The following KANTR variants were observed in gnomAD, a reference collection of about 807,000 sequenced individuals.
The protein encoded by KANTR is KDM5C adjacent transcript.
At chrX:53,142,804 C>T, downstream of KANTR, 1 of 474,382 alleles carries the variant, frequency 2.1e-6, no homozygotes, top group East Asian at 3.9e-5. Flanking sequence ...TGATGGCTAA[C>T]CCACATGCTT....
At chrX:53,147,614 T>G (rs1295942851), downstream of KANTR, among the ~76,000 whole-genome samples, 2 of 111,264 alleles carry the variant, frequency 1.8e-5, no homozygotes, top group African/African-American at 3.3e-5. Context: ...GCACCAAGTG[T>G]ACCTAATAGA....
intron 2 of KANTR, among the ~76,000 whole-genome samples, chrX:53,117,509 T>C (rs1556814784): frequency 9.1e-6 from 1 of 110,239 alleles, no homozygotes; most frequent in Non-Finnish European, 1.9e-5. Context: ...ATATGGGATT[T>C]TTTTTCATAT....
At chrX:53,121,817 C>T (rs1556815553) in intron 2 of KANTR, among the ~76,000 whole-genome samples, 1 of 111,340 alleles carries the variant, frequency 9.0e-6, no homozygotes. Context: ...ATCAGAGGTA[C>T]CTGGTATCCA....
chrX:53,110,359 A>G (rs2146728226), intron 2 of KANTR, among the ~76,000 whole-genome samples: 1 of 111,214 alleles, frequency 9.0e-6, no homozygotes, highest in Non-Finnish European at 1.9e-5. Flanking sequence ...TCATGAAGGG[A>G]TGTTGAATTT....
At chrX:53,123,067 CTTATAAA>C (rs1158840921) in intron 2 of KANTR, among the ~76,000 whole-genome samples, 1 of 111,350 alleles carries the variant, frequency 9.0e-6, no homozygotes, top group Non-Finnish European at 1.9e-5. Context: ...TAGTGTTAAA[CTTATAAA>C]TTAAAATATT....
intron 2 of KANTR, among the ~76,000 whole-genome samples, chrX:53,136,732 T>TATATATATATATATATATATATATA (rs1933430807): frequency 4.6e-5 from 1 of 21,515 alleles, no homozygotes; most frequent in African/African-American, 8.8e-5. Context: ...ATATATATAT[T>TATATATATATATATATATATATATA]TTGTTTGTTT....
At chrX:53,120,332 G>A (rs1020849633) in intron 2 of KANTR, among the ~76,000 whole-genome samples, 7 of 111,104 alleles carry the variant, frequency 6.3e-5, no homozygotes, top group Non-Finnish European at 1.1e-4. Context: ...TACCACGCTC[G>A]GCCCCCCTTT....
chrX:53,104,290 A>ATG (rs1932919995), intron 2 of KANTR, among the ~76,000 whole-genome samples: 1 of 110,614 alleles, frequency 9.0e-6, no homozygotes, highest in Non-Finnish European at 1.9e-5. Flanking sequence ...GCAGTGGTAC[A>ATG]ATCTCGGCTC....
intron 2 of KANTR, among the ~76,000 whole-genome samples, chrX:53,102,827 A>G (rs1932905887): frequency 9.1e-6 from 1 of 110,440 alleles, no homozygotes; most frequent in Non-Finnish European, 1.9e-5. Flanking sequence ...TCTCTTTAAC[A>G]CTGGTCCAGT....
chrX:53,131,661 G>A (rs1442429399), downstream of KANTR, among the ~76,000 whole-genome samples: 2 of 111,925 alleles, frequency 1.8e-5, no homozygotes, highest in Non-Finnish European at 3.8e-5. Flanking sequence ...ATAACCCACA[G>A]CTAACATTAT....
At chrX:53,143,144 G>A (rs1933526931), downstream of KANTR, 16 of 1,023,821 alleles carry the variant, frequency 1.6e-5, no homozygotes, top group Middle Eastern at 2.5e-4. Flanking sequence ...AACAGCACCT[G>A]CAGACACCAG....
At chrX:53,096,532 C>G (rs1472389191) in intron 1 of KANTR, among the ~76,000 whole-genome samples, 3 of 112,178 alleles carry the variant, frequency 2.7e-5, no homozygotes, top group East Asian at 2.8e-4. Flanking sequence ...GTCAAAAATG[C>G]CCCCCAAACA....
rs782078557 is a variant in KANTR at position 53,137,447 on chromosome X, G to A, written n.204-4401G>A. Among the ~76,000 whole-genome samples the A allele has an allele frequency of 4.5e-5, 5 of 111,932 alleles. No individual in the cohort carries two copies. In the Admixed American group the frequency reaches 4.7e-4, roughly 11 times the overall value. ...TTAAAAAATCTATTTTTCTGGTCAG[G>A]CTCAGTGGCTCACGCCTGTAATCCC... On this transcript the variant is annotated intron_variant and non_coding_transcript_variant, in intron 2 of 2. Transcript: ENST00000366185.
At chrX:53,139,209 A>C (rs1225926684) in intron 2 of KANTR, among the ~76,000 whole-genome samples, 1 of 78,193 alleles carries the variant, frequency 1.3e-5, no homozygotes, top group Non-Finnish European at 2.5e-5. Context: ...TGACAGAGCG[A>C]GACTCCGTCT....
downstream of KANTR, among the ~76,000 whole-genome samples, chrX:53,144,806 T>G (rs1276787066): frequency 1.8e-5 from 2 of 112,151 alleles, no homozygotes; most frequent in Non-Finnish European, 3.8e-5. Context: ...GTAGACCGTT[T>G]TGCATATGAT....
At chrX:53,112,329 T>G (rs1243262806) in intron 2 of KANTR, among the ~76,000 whole-genome samples, 2 of 112,511 alleles carry the variant, frequency 1.8e-5, no homozygotes, top group African/African-American at 3.2e-5. Context: ...CTGAGTAGTA[T>G]TCCATGGTGT....
In KANTR at chrX:53,134,952, A is replaced by T. The variant is rs191784209; in HGVS notation, n.204-6896A>T. Reference sequence around the variant, plus strand: ...AAACTTAAATCACCTGAGTACTCAAAAGATTATTATAATCAAGTAAATCAT... The same window carrying T: ...AAACTTAAATCACCTGAGTACTCAATAGATTATTATAATCAAGTAAATCAT... On this transcript the variant is annotated intron_variant and non_coding_transcript_variant, in intron 2 of 2. Coordinates refer to the KANTR transcript ENST00000366185. Among the ~76,000 whole-genome samples, 4 of 111,909 alleles carry T rather than the reference A, an allele frequency of 3.6e-5. No homozygotes were observed. In the East Asian group the frequency reaches 1.1e-3, roughly 31 times the overall value.
Position 53,124,763 on chromosome X carries a change from G to A in KANTR, c.*260G>A, listed in dbSNP as rs1451930864. ...TTTGTTATTGAAATCTGTCTTAATT[G>A]CATTATGGTCAGAGGATGTGGTTTG... On this transcript the variant is annotated 3_prime_UTR_variant, in exon 3 of 3. Transcript: ENST00000604062. The A allele has an allele frequency of 1.6e-5, 3 of 187,137 alleles. No homozygotes were observed. In the East Asian group the frequency reaches 2.7e-4, roughly 17 times the overall value. 15.4% of individuals were successfully genotyped at this position (187,137 alleles called of 1,213,427 possible).
At chrX:53,145,200 C>T (rs150662308), downstream of KANTR, among the ~76,000 whole-genome samples, 3,226 of 111,169 alleles carry the variant, frequency 0.029, 53 homozygotes, top group Admixed American at 0.063. Flanking sequence ...CAAAGCAGGG[C>T]GAGGCATTGC....
Sources: allele counts gnomAD v4.1 joint callset (sites outside exome capture counted in the v4.1 genomes callset), GRCh38; gene constraint gnomAD v4.1.1; transcripts MANE v1.5; gene names NCBI Gene and HGNC (gene_info 2026-07-23, HGNC 2026-07-21).